TIMMDC1: variants seen among roughly 807,000 people sequenced by gnomAD.
TIMMDC1 encodes the protein complex I assembly factor TIMMDC1, mitochondrial.
In TIMMDC1, 25 loss-of-function variants were observed where a neutral mutation model predicts 32.6. The ratio of observed to expected loss-of-function variants is 0.77; its 90% CI spans 0.56 to 1.07. The LOEUF is 1.07. Among genes scored for constraint, TIMMDC1 ranks in the 50% least tolerant of loss-of-function variants. The pLI, the probability that TIMMDC1 is intolerant of heterozygous loss-of-function variation, is 0.00. For missense variants in TIMMDC1, 329 were observed against 349.2 expected, an observed-to-expected ratio of 0.94 and a Z score of 0.46; for synonymous variants, 130 against 127.6, an observed-to-expected ratio of 1.02 and a Z score of -0.13.
At chr3:119,500,402 C>G (rs1345876240) in intron 1 of TIMMDC1, 6 of 285,962 alleles carry the variant, frequency 2.1e-5, no homozygotes, top group Non-Finnish European at 3.9e-5. Flanking sequence ...TAGCTGTACC[C>G]AGCACTAAGA....
In TIMMDC1 at chr3:119,513,648, G is replaced by A. The variant is rs1371003406; in HGVS notation, c.525G>A (p.Thr175=). The part of the protein sequence containing the change: ...LSHFVIAGAV[T]GSLFRINVGL... ...TTTCTTGTTTTTAAATAGCTGTCAC[G>A]GGAAGTCTTTTTAGGATAAACGTAG... is the stretch of plus-strand genomic sequence containing the variant. The change falls in exon 5 of 7, where the codon ACG becomes ACA. Residue 175 remains threonine, a synonymous_variant. Coordinates refer to ENST00000494664, the MANE Select transcript of TIMMDC1 (RefSeq NM_016589.4). 9.9e-6 allele frequency: 16 copies of A among 1,612,208 alleles called. No homozygotes were observed. The highest frequency in any genetic ancestry group is 5.0e-5 in the Admixed American group (3 of 59,914).
chr3:119,501,393 A>G (rs1250745636), intron 2 of TIMMDC1, among the ~76,000 whole-genome samples: 2 of 152,188 alleles, frequency 1.3e-5, no homozygotes, highest in Non-Finnish European at 2.9e-5. Context: ...CGGATTCTCC[A>G]TTGTTAACAT....
chr3:119,514,623 A>G (rs79559962), intron 5 of TIMMDC1, among the ~76,000 whole-genome samples: 1,712 of 152,338 alleles, frequency 0.011, 34 homozygotes, highest in African/African-American at 0.039. Context: ...ATCCTCATGT[A>G]TCACATCAGG....
intron 4 of TIMMDC1, among the ~76,000 whole-genome samples, chr3:119,507,198 T>C (rs2081923762): frequency 6.6e-6 from 1 of 152,236 alleles, no homozygotes; most frequent in Admixed American, 6.5e-5. Flanking sequence ...GGATAAATTC[T>C]CAGTGATTGT....
chr3:119,507,488 C>G (rs560236446), intron 4 of TIMMDC1, among the ~76,000 whole-genome samples: 145 of 152,292 alleles, frequency 9.5e-4, no homozygotes, highest in African/African-American at 3.4e-3. Flanking sequence ...GCTAGCATTT[C>G]TTTTTGATTC....
intron 4 of TIMMDC1, among the ~76,000 whole-genome samples, chr3:119,512,913 G>T (rs2081963858): frequency 6.6e-6 from 1 of 152,044 alleles, no homozygotes; most frequent in African/African-American, 2.4e-5. Flanking sequence ...GCTAATTTTT[G>T]TATCTTTAGT....
chr3:119,514,142 T>G (rs62264484), intron 5 of TIMMDC1, among the ~76,000 whole-genome samples: 23,470 of 152,140 alleles, frequency 0.15, 2,349 homozygotes, highest in East Asian at 0.28. Flanking sequence ...TTTGTTTGTT[T>G]TGCTTAATAC....
chr3:119,505,666 C>T (rs1043748724), intron 4 of TIMMDC1, among the ~76,000 whole-genome samples: 1 of 152,152 alleles, frequency 6.6e-6, no homozygotes, highest in South Asian at 2.1e-4. Flanking sequence ...CACGCCCGGC[C>T]TGAACATAAC....
At chr3:119,510,967 A>G (rs1223988823) in intron 4 of TIMMDC1, among the ~76,000 whole-genome samples, 1 of 152,220 alleles carries the variant, frequency 6.6e-6, no homozygotes. Flanking sequence ...ACTCCCCCAA[A>G]ACTTAACTAC....
At chr3:119,500,929 C>T in intron 2 of TIMMDC1, 69 bp downstream of exon 2, 1 of 1,485,466 alleles carries the variant, frequency 6.7e-7, no homozygotes, top group Non-Finnish European at 9.2e-7. Flanking sequence ...CTTAATCATT[C>T]AATTAGGTTG....
intron 5 of TIMMDC1, among the ~76,000 whole-genome samples, chr3:119,515,707 G>A (rs2081981714): frequency 6.6e-6 from 1 of 152,152 alleles, no homozygotes; most frequent in Non-Finnish European, 1.5e-5. Context: ...TTAGTAATCT[G>A]GAGGGTGAAA....
intron 4 of TIMMDC1, among the ~76,000 whole-genome samples, chr3:119,512,745 A>G (rs1186375321): frequency 6.6e-6 from 1 of 152,130 alleles, no homozygotes; most frequent in African/African-American, 2.4e-5. Context: ...CTCAACTGTT[A>G]TTTATTTTGT....
chr3:119,505,514 C>A (rs1043924521), intron 4 of TIMMDC1, among the ~76,000 whole-genome samples: 1 of 151,962 alleles, frequency 6.6e-6, no homozygotes, highest in Admixed American at 6.5e-5. Context: ...TACAGGCATG[C>A]GCCACCATTC....
intron 6 of TIMMDC1, among the ~76,000 whole-genome samples, chr3:119,521,083 C>A (rs2082023648): frequency 6.6e-6 from 1 of 152,152 alleles, no homozygotes; most frequent in Admixed American, 6.5e-5. Flanking sequence ...AGGACTATTT[C>A]TCAGTACAGT....
chr3:119,521,398 T>A (rs1560050797), intron 6 of TIMMDC1, among the ~76,000 whole-genome samples: 1 of 152,070 alleles, frequency 6.6e-6, no homozygotes, highest in Non-Finnish European at 1.5e-5. Flanking sequence ...CTACTAAAAA[T>A]ACAAAAATTG....
intron 1 of TIMMDC1, among the ~76,000 whole-genome samples, chr3:119,499,366 C>A (rs1257780494): frequency 6.6e-6 from 1 of 150,552 alleles, no homozygotes; most frequent in Admixed American, 6.6e-5. Context: ...TCCCAAAGTG[C>A]TGGGATTACA....
In TIMMDC1 at chr3:119,503,899, G is replaced by A. The variant is rs189019438; in HGVS notation, c.450-55G>A. ...AGTCAGTGAAAATAACACTCAAGAA[G>A]GTAAATGGGATATGCTTTAAATCTT... On this transcript the variant is annotated intron_variant, in intron 3 of 6. Coordinates refer to ENST00000494664, the MANE Select transcript of TIMMDC1 (RefSeq NM_016589.4). 2,447 of 1,445,900 alleles carry A rather than the reference G, an allele frequency of 1.7e-3. 3 individuals are homozygous for A. The highest frequency in any genetic ancestry group is 2.2e-3 in the Non-Finnish European group (2,287 of 1,034,224). 89.6% of individuals were successfully genotyped at this position (1,445,900 alleles called of 1,614,324 possible). A position where few individuals can be genotyped will look rare whatever the true frequency, so the allele number is the denominator to read the frequency against.
intron 6 of TIMMDC1, among the ~76,000 whole-genome samples, chr3:119,517,563 T>C (rs969727095): frequency 3.9e-5 from 6 of 152,240 alleles, no homozygotes; most frequent in African/African-American, 1.2e-4. Context: ...AAGTTAAAAG[T>C]GGTGTAAATC....
chr3:119,520,638 G>A (rs965445883), intron 6 of TIMMDC1, among the ~76,000 whole-genome samples: 2 of 152,172 alleles, frequency 1.3e-5, no homozygotes, highest in East Asian at 3.8e-4. Context: ...TGGCTTCATT[G>A]CTAAATTCTG....
Sources: allele counts gnomAD v4.1 joint callset (sites outside exome capture counted in the v4.1 genomes callset), GRCh38; gene constraint gnomAD v4.1.1; transcripts MANE v1.5; gene names NCBI Gene and HGNC (gene_info 2026-07-23, HGNC 2026-07-21).